The following ZNF469 variants were observed in gnomAD, a reference collection of about 807,000 sequenced individuals.
ZNF469 encodes zinc finger protein 469.
Under a neutral mutation model 1.0 loss-of-function variants are expected in ZNF469, and 1 was observed. The observed-to-expected ratio is 1.00, with a 90% confidence interval of 0.35 to 4.73. The LOEUF (loss-of-function observed/expected upper bound fraction) is 4.73, where lower values mean the gene tolerates loss of function less well. Among genes scored for constraint, ZNF469 ranks in the 30% most tolerant of loss-of-function variants. The probability of loss-of-function intolerance (pLI) is 0.16; values close to 1 mark genes in which losing one functional copy is unlikely to be tolerated. For missense variants in ZNF469, 6,100 were observed against 5,356.3 expected, an observed-to-expected ratio of 1.14 and a Z score of -4.33; for synonymous variants, 2,703 against 2,363.4, an observed-to-expected ratio of 1.14 and a Z score of -4.17.
intron 1 of ZNF469, among the ~76,000 whole-genome samples, chr16:88,388,655 C>G (rs975275967): frequency 6.6e-6 from 1 of 152,242 alleles, no homozygotes; most frequent in Admixed American, 6.5e-5. Context: ...CCAGGATACC[C>G]GGGTCTCCAT....
chr16:88,408,668 A>G (rs988101496), intron 1 of ZNF469, among the ~76,000 whole-genome samples: 1 of 152,184 alleles, frequency 6.6e-6, no homozygotes, highest in Non-Finnish European at 1.5e-5. Flanking sequence ...TTCCTTCCGG[A>G]ATCGTCTCTC....
the ZNF469 span, among the ~76,000 whole-genome samples, chr16:88,143,547 G>A: frequency 3.9e-5 from 6 of 152,188 alleles, no homozygotes; most frequent in African/African-American, 1.4e-4. Flanking sequence ...CCCCCCATGC[G>A]TGGCCCATGG....
the ZNF469 span, among the ~76,000 whole-genome samples, chr16:88,250,272 G>A: frequency 1.1e-4 from 17 of 152,204 alleles, no homozygotes; most frequent in Admixed American, 1.0e-3. Context: ...AGTTAGTCTC[G>A]CCTATTTGAA....
chr16:88,132,494 A>G, the ZNF469 span, among the ~76,000 whole-genome samples: 1 of 152,188 alleles, frequency 6.6e-6, no homozygotes, highest in Non-Finnish European at 1.5e-5. Flanking sequence ...AGCCTTTCCC[A>G]ACAACACGTG....
At chr16:88,394,643 C>G (rs1189736282) in intron 1 of ZNF469, among the ~76,000 whole-genome samples, 1 of 152,198 alleles carries the variant, frequency 6.6e-6, no homozygotes, top group Non-Finnish European at 1.5e-5. Flanking sequence ...CCTCTGCCGC[C>G]TGGTGAGCTT....
the ZNF469 span, among the ~76,000 whole-genome samples, chr16:88,288,193 G>T: frequency 6.6e-6 from 1 of 152,068 alleles, no homozygotes; most frequent in Non-Finnish European, 1.5e-5. Flanking sequence ...CCTTGCTCTT[G>T]TGTTGAATCT....
chr16:88,243,631 C>A, the ZNF469 span, among the ~76,000 whole-genome samples: 2 of 151,718 alleles, frequency 1.3e-5, no homozygotes, highest in Non-Finnish European at 2.9e-5. Context: ...GGAGATGCCT[C>A]CTCTGTGCTG....
At chr16:88,251,592 T>A in the ZNF469 span, among the ~76,000 whole-genome samples, 1 of 133,244 alleles carries the variant, frequency 7.5e-6, no homozygotes, top group Non-Finnish European at 1.6e-5. Context: ...GGAGACTTGC[T>A]GTGTCGCCCA....
At chr16:88,363,269 GT>G in the ZNF469 span, among the ~76,000 whole-genome samples, 1 of 152,164 alleles carries the variant, frequency 6.6e-6, no homozygotes, top group Admixed American at 6.5e-5. Context: ...TGTTGTTGTT[GT>G]TGTTTTTACA....
the ZNF469 span, among the ~76,000 whole-genome samples, chr16:88,316,641 G>A: frequency 7.0e-6 from 1 of 143,608 alleles, no homozygotes; most frequent in Admixed American, 7.5e-5. Context: ...CCACCTCTGG[G>A]GTTCAAGCGA....
intron 1 of ZNF469, among the ~76,000 whole-genome samples, chr16:88,392,118 G>A (rs902967833): frequency 6.6e-6 from 1 of 152,236 alleles, no homozygotes; most frequent in African/African-American, 2.4e-5. Context: ...GAAGTTAATT[G>A]TATTGTATCT....
chr16:88,226,030 C>T, the ZNF469 span, among the ~76,000 whole-genome samples: 1 of 152,138 alleles, frequency 6.6e-6, no homozygotes, highest in African/African-American at 2.4e-5. Context: ...CCCCCCACCT[C>T]CCCAGGCTGC....
the ZNF469 span, among the ~76,000 whole-genome samples, chr16:88,255,720 C>A: frequency 6.6e-6 from 1 of 152,232 alleles, no homozygotes; most frequent in Non-Finnish European, 1.5e-5. Context: ...CTGAGAGGGG[C>A]TTCTGGCCAA....
intron 1 of ZNF469, among the ~76,000 whole-genome samples, chr16:88,405,703 T>C (rs776263773): frequency 2.3e-4 from 35 of 152,064 alleles, no homozygotes; most frequent in Admixed American, 9.8e-4. Context: ...CCCCAGGAAG[T>C]GCACGTGGGT....
Position 88,440,376 on chromosome 16 carries a change from G to C in ZNF469, c.*1044G>C, listed in dbSNP as rs1339895587. The C allele has an allele frequency of 6.6e-6, 1 of 151,590 alleles. No homozygotes were observed. Among genetic ancestry groups the C allele is most frequent in the Non-Finnish European group, 1.5e-5 (1 of 67,974 alleles). 9.4% of individuals were successfully genotyped at this position (151,590 alleles called of 1,614,324 possible). Reference sequence around the variant, plus strand: ...CTGGGGCTGCAGAGCCGCTGCCCTGGCCAGGGCACCCTCATGCACCGACCC... The same window carrying C: ...CTGGGGCTGCAGAGCCGCTGCCCTGCCCAGGGCACCCTCATGCACCGACCC... On this transcript the variant is annotated 3_prime_UTR_variant, in exon 3 of 3. Coordinates refer to ENST00000565624, the MANE Select transcript of ZNF469 (RefSeq NM_001367624.2).
At chr16:88,342,891 G>A in the ZNF469 span, among the ~76,000 whole-genome samples, 47 of 152,374 alleles carry the variant, frequency 3.1e-4, no homozygotes, top group African/African-American at 9.1e-4. Flanking sequence ...GTATTTGGGT[G>A]GTGGGTCCCT....
the ZNF469 span, among the ~76,000 whole-genome samples, chr16:88,321,270 C>T: frequency 2.0e-5 from 3 of 152,260 alleles, no homozygotes; most frequent in African/African-American, 7.2e-5. Context: ...GAAACCCAGG[C>T]AGGAGCTGAT....
At chr16:88,130,879 C>A in the ZNF469 span, among the ~76,000 whole-genome samples, 1 of 152,312 alleles carries the variant, frequency 6.6e-6, no homozygotes, top group Non-Finnish European at 1.5e-5. Flanking sequence ...CGTGGGAAGG[C>A]CCCGCGGAGT....
At chr16:88,291,547 G>A in the ZNF469 span, among the ~76,000 whole-genome samples, 2 of 152,232 alleles carry the variant, frequency 1.3e-5, no homozygotes, top group East Asian at 1.9e-4. Context: ...CTCAGCACGC[G>A]GCTTGCCTGA....
Sources: allele counts gnomAD v4.1 joint callset (sites outside exome capture counted in the v4.1 genomes callset), GRCh38; gene constraint gnomAD v4.1.1; transcripts MANE v1.5; gene names NCBI Gene and HGNC (gene_info 2026-07-23, HGNC 2026-07-21).